The following RFX2 variants were observed in gnomAD, a reference collection of about 807,000 sequenced individuals.
RFX2 encodes the protein regulatory factor X2.
Under a neutral mutation model 87.8 loss-of-function variants are expected in RFX2, and 20 were observed. The ratio of observed to expected loss-of-function variants is 0.23; its 90% CI spans 0.16 to 0.33. The LOEUF is 0.33. Among genes scored for constraint, RFX2 ranks in the 10% least tolerant of loss-of-function variants. The pLI is 1.00. For missense variants in RFX2, 767 were observed against 1,012.3 expected (o/e 0.76, Z 3.29); for synonymous variants, 397 against 431.3 (o/e 0.92, Z 0.98).
At chr19:6,075,560 T>C (rs2087680387) in intron 1 of RFX2, among the ~76,000 whole-genome samples, 1 of 151,350 alleles carries the variant, frequency 6.6e-6, no homozygotes, top group African/African-American at 2.4e-5. Flanking sequence ...ACATAAAGGG[T>C]GAAAGAAAGA....
chr19:6,099,005 AAATACAACTTGCCCTAT>A (rs2088072722), intron 1 of RFX2, among the ~76,000 whole-genome samples: 1 of 149,720 alleles, frequency 6.7e-6, no homozygotes, highest in Non-Finnish European at 1.5e-5. Flanking sequence ...CTAAGGGTTA[AAATACAACTTGCCCTAT>A]AACCTTGCTT....
At chr19:6,008,424 G>T (rs529483457) in intron 9 of RFX2, among the ~76,000 whole-genome samples, 200 bp from the exon 10 acceptor site, 1 of 151,088 alleles carries the variant, frequency 6.6e-6, no homozygotes, top group South Asian at 2.1e-4. Flanking sequence ...CCAGGCTGGA[G>T]TGCAGTGGCA....
Position 6,048,632 on chromosome 19 carries a change from G to A in RFX2, c.-8-1128C>T, listed in dbSNP as rs117474942. Among the ~76,000 whole-genome samples the A allele has an allele frequency of 4.4e-3, 673 of 152,200 alleles. 3 individuals carry two copies. Among genetic ancestry groups the A allele is most frequent in the Non-Finnish European group, 7.6e-3 (515 of 68,012 alleles). ...CTCAGACATACATCGCGGTGCCCAC[G>A]ACATCGTCAGAACACAATAGACATT... is the stretch of plus-strand genomic sequence containing the variant. On this transcript the variant is annotated intron_variant, in intron 1 of 17. Coordinates refer to ENST00000303657, the MANE Select transcript of RFX2 (RefSeq NM_000635.4).
chr19:6,058,705 C>T (rs1234136559), intron 1 of RFX2, among the ~76,000 whole-genome samples: 4 of 151,642 alleles, frequency 2.6e-5, no homozygotes, highest in South Asian at 2.1e-4. Context: ...TTTTTCTTTT[C>T]GTAAGAATTG....
chr19:6,006,120 G>T (rs577355853), intron 12 of RFX2, among the ~76,000 whole-genome samples: 1 of 152,304 alleles, frequency 6.6e-6, no homozygotes, highest in East Asian at 1.9e-4. Context: ...GACAAATAAC[G>T]CATGCCAGAG....
intron 1 of RFX2, among the ~76,000 whole-genome samples, chr19:6,097,591 A>AATT (rs149785713): frequency 6.6e-6 from 1 of 151,682 alleles, no homozygotes; most frequent in East Asian, 1.9e-4. Flanking sequence ...TATTATTATT[A>AATT]ATTATTATTA....
At chr19:6,086,994 C>CT (rs368962252) in intron 1 of RFX2, among the ~76,000 whole-genome samples, 198 of 148,354 alleles carry the variant, frequency 1.3e-3, no homozygotes, top group Non-Finnish European at 2.1e-3. Context: ...AGCAGTATGT[C>CT]TTTTTTTTTT....
At chr19:6,066,436 G>T (rs957600271) in intron 1 of RFX2, among the ~76,000 whole-genome samples, 2 of 152,190 alleles carry the variant, frequency 1.3e-5, no homozygotes, top group Non-Finnish European at 2.9e-5. Context: ...AAGCGCTCCA[G>T]AAATTGCGGA....
intron 5 of RFX2, among the ~76,000 whole-genome samples, chr19:6,038,339 A>AC (rs200818050): frequency 0.044 from 6,598 of 148,750 alleles, 269 homozygotes; most frequent in East Asian, 0.16. Flanking sequence ...AAAAAAAAAA[A>AC]AAAAAAAAAA....
At position 6,017,219 on chromosome 19, in the gene RFX2, A is replaced by G. The variant is rs547995562; in HGVS notation, c.598-948T>C. On this transcript the variant is annotated intron_variant, in intron 6 of 17. Coordinates refer to ENST00000303657, the MANE Select transcript of RFX2 (RefSeq NM_000635.4). The surrounding 1 kb of genome is among the most constrained non-coding windows in gnomAD (Gnocchi z 4.1). Reference sequence around the variant, plus strand: ...GTACTCCAGCCTGGGCGACAGGGCAAGACTTCGTCTCTTTCAAAAAACGAA... The same window carrying G: ...GTACTCCAGCCTGGGCGACAGGGCAGGACTTCGTCTCTTTCAAAAAACGAA... Among the ~76,000 whole-genome samples the G allele has an allele frequency of 6.6e-6, 1 of 152,354 alleles. No individual in the cohort carries two copies. The highest frequency in any genetic ancestry group is 2.1e-4 in the South Asian group (1 of 4,832).
rs1294218452 is a variant in RFX2 at position 6,017,721 on chromosome 19, TGG to T, written c.598-1452_598-1451del. Among the ~76,000 whole-genome samples, 1 of 152,122 alleles carries T rather than the reference TGG, an allele frequency of 6.6e-6. No individual in the cohort carries two copies. Among genetic ancestry groups the T allele is most frequent in the Non-Finnish European group, 1.5e-5 (1 of 68,018 alleles). ...CTGGGCCCTTCAGAGTGGGCAGTGCTGGGTCCTCAGCCCTCCCCCACCGGGCA... is the reference window on the plus strand; with the variant it reads ...CTGGGCCCTTCAGAGTGGGCAGTGCTGTCCTCAGCCCTCCCCCACCGGGCA... On this transcript the variant is annotated intron_variant, in intron 6 of 17. Coordinates refer to ENST00000303657, the MANE Select transcript of RFX2 (RefSeq NM_000635.4). The surrounding 1 kb of genome is among the most constrained non-coding windows in gnomAD (Gnocchi z 4.1).
chr19:6,071,681 T>C (rs966584600), intron 1 of RFX2, among the ~76,000 whole-genome samples: 8 of 152,238 alleles, frequency 5.3e-5, no homozygotes, highest in African/African-American at 1.7e-4. Context: ...AAGGGTCTTT[T>C]TGTTAAACTC....
At chr19:6,059,958 T>C (rs917711399) in intron 1 of RFX2, among the ~76,000 whole-genome samples, 2 of 149,734 alleles carry the variant, frequency 1.3e-5, no homozygotes, top group Admixed American at 1.3e-4. Flanking sequence ...TAGTAAAAAG[T>C]GATGGGGGGG....
chr19:5,996,055 AGGC>A (rs1244168306), intron 16 of RFX2, among the ~76,000 whole-genome samples: 1 of 152,292 alleles, frequency 6.6e-6, no homozygotes, highest in Non-Finnish European at 1.5e-5. Flanking sequence ...TGCAGAGAAC[AGGC>A]GGCTTCCACA....
chr19:5,994,512 A>T lies in RFX2; in HGVS notation c.*323T>A. On this transcript the variant is annotated 3_prime_UTR_variant, in exon 18 of 18. Transcript: ENST00000303657. ...TCAGCACAGCCCTTTCAGCTCTTAA[A>T]GGGACTGGGGCCAAAGTCCAGGGTT... 1 of 321,184 alleles carries T rather than the reference A, an allele frequency of 3.1e-6. No individual in the cohort carries two copies. The highest frequency in any genetic ancestry group is 5.8e-6 in the Non-Finnish European group (1 of 171,178). 19.9% of individuals were successfully genotyped at this position (321,184 alleles called of 1,614,324 possible).
At chr19:6,097,525 C>T (rs2144897015) in intron 1 of RFX2, among the ~76,000 whole-genome samples, 1 of 152,258 alleles carries the variant, frequency 6.6e-6, no homozygotes, top group African/African-American at 2.4e-5. Context: ...AGAAGTAATA[C>T]ATGTAATACA....
chr19:6,017,193 T>C lies in RFX2; in HGVS notation c.598-922A>G, dbSNP rs1321063033. 6.6e-6 allele frequency among the ~76,000 whole-genome samples: 1 copy of C among 152,192 alleles called. No homozygotes were observed. The highest frequency in any genetic ancestry group is 1.5e-5 in the Non-Finnish European group (1 of 68,034). ...GCAGTGAGCTAGGGTCGCGCCACAC[T>C]GTACTCCAGCCTGGGCGACAGGGCA... is the stretch of plus-strand genomic sequence containing the variant. On this transcript the variant is annotated intron_variant, in intron 6 of 17. Coordinates refer to ENST00000303657, the MANE Select transcript of RFX2 (RefSeq NM_000635.4). This position sits in a 1 kb window ranked among gnomAD's most constrained non-coding sequence, Gnocchi z 4.1.
chr19:6,090,354 T>C (rs963868662), intron 1 of RFX2, among the ~76,000 whole-genome samples: 1 of 132,554 alleles, frequency 7.5e-6, no homozygotes, highest in African/African-American at 3.0e-5. Flanking sequence ...CTGGGTGACA[T>C]AGTGAGACTC....
In RFX2 at chr19:6,039,487, T is replaced by A. The variant is rs1391468434; in HGVS notation, c.522+493A>T. On this transcript the variant is annotated intron_variant, in intron 5 of 17. Coordinates refer to ENST00000303657, the MANE Select transcript of RFX2 (RefSeq NM_000635.4). The surrounding 1 kb of genome is among the most constrained non-coding windows in gnomAD (Gnocchi z 5.2). ...ATAAATGAAAAGTAAACACGGGTAA[T>A]CGAGTTTTAAATGTAGAGACTCTGG... Among the ~76,000 whole-genome samples, 1 of 152,206 alleles carries A rather than the reference T, an allele frequency of 6.6e-6. No homozygotes were observed. The highest frequency in any genetic ancestry group is 2.4e-5 in the African/African-American group (1 of 41,446).
Sources: gnomAD v4.1 joint callset for allele counts (sites outside exome capture counted in the v4.1 genomes callset) on GRCh38, gnomAD v4.1.1 for gene constraint, Gnocchi (gnomAD v3.1) non-coding constraint, MANE v1.5 for transcripts, NCBI Gene and HGNC (gene_info 2026-07-23, HGNC 2026-07-21) for gene names.